SPTBN1: variants seen among roughly 807,000 people sequenced by gnomAD.
SPTBN1 encodes spectrin beta chain, non-erythrocytic 1.
Under a neutral mutation model 266.4 loss-of-function variants are expected in SPTBN1, and 32 were observed. That is an observed-to-expected ratio of 0.12 (90% CI 0.09 to 0.16). The LOEUF is 0.16. Among genes scored for constraint, SPTBN1 ranks in the 10% least tolerant of loss-of-function variants. The pLI, the probability that SPTBN1 is intolerant of heterozygous loss-of-function variation, is 1.00. For missense variants in SPTBN1, 2,296 were observed against 3,067.1 expected (o/e 0.75, Z 5.94); for synonymous variants, 1,336 against 1,162.2 (o/e 1.15, Z -3.04).
chr2:54,568,206 C>T (rs1008805858), intron 2 of SPTBN1, among the ~76,000 whole-genome samples: 7 of 152,034 alleles, frequency 4.6e-5, no homozygotes, highest in East Asian at 1.9e-4. Context: ...GATGGTGAAA[C>T]TCCGTCTCTA....
chr2:54,625,819 G>T, intron 11 of SPTBN1, 113 bp from the exon 12 acceptor site: 4 of 1,173,698 alleles, frequency 3.4e-6, no homozygotes, highest in Non-Finnish European at 4.8e-6. Context: ...TCGAACTCCT[G>T]ACCTCAAGTG....
intron 2 of SPTBN1, among the ~76,000 whole-genome samples, chr2:54,535,837 A>G (rs1671565592): frequency 6.6e-6 from 1 of 152,034 alleles, no homozygotes; most frequent in Non-Finnish European, 1.5e-5. Flanking sequence ...CATGGTAAAA[A>G]CCCATCTCTA....
chr2:54,567,735 A>G (rs1161774444), intron 2 of SPTBN1, among the ~76,000 whole-genome samples: 1 of 152,056 alleles, frequency 6.6e-6, no homozygotes, highest in Non-Finnish European at 1.5e-5. Context: ...ACCTATTTAC[A>G]TTTATATATA....
At chr2:54,591,982 A>G (rs1361740925) in intron 2 of SPTBN1, among the ~76,000 whole-genome samples, 2 of 152,054 alleles carry the variant, frequency 1.3e-5, no homozygotes, top group East Asian at 3.8e-4. Flanking sequence ...AGCCTGGGCA[A>G]TCTAATGAGA....
rs922401340 is a variant in SPTBN1, at chr2:54,645,141, C to G, written c.4270-88C>G. 1.5e-5 allele frequency: 22 copies of G among 1,449,196 alleles called. No homozygotes were observed. The highest frequency in any genetic ancestry group is 3.7e-5 in the Admixed American group (2 of 54,140). 89.8% of individuals were successfully genotyped at this position (1,449,196 alleles called of 1,614,324 possible). On this transcript the variant is annotated intron_variant, in intron 20 of 35. Coordinates refer to ENST00000356805, the MANE Select transcript of SPTBN1 (RefSeq NM_003128.3). The surrounding 1 kb of genome is among the most constrained non-coding windows in gnomAD (Gnocchi z 4.3). ...CCCATGGCTGGCTTTGCGGTGTGGC[C>G]AAGTCCCAGGCCCAGCAGTTCTGCT...
chr2:54,632,081 A>C (rs948864085), intron 16 of SPTBN1, among the ~76,000 whole-genome samples: 121 of 151,102 alleles, frequency 8.0e-4, no homozygotes, highest in Admixed American at 2.8e-3. Flanking sequence ...GTCTCTTAAA[A>C]AAAAAAAAAA....
At chr2:54,465,992 A>T (rs899399366) in intron 1 of SPTBN1, among the ~76,000 whole-genome samples, 1 of 152,192 alleles carries the variant, frequency 6.6e-6, no homozygotes, top group Non-Finnish European at 1.5e-5. Context: ...TTCAGGATTA[A>T]TTGTGCTTTG....
intron 2 of SPTBN1, among the ~76,000 whole-genome samples, chr2:54,537,562 G>A (rs78959155): frequency 0.13 from 19,261 of 152,262 alleles, 1,366 homozygotes; most frequent in Middle Eastern, 0.22. Context: ...GTGGTGGGGT[G>A]GAGGAAGGCA....
At chr2:54,468,343 TA>T (rs1166583323) in intron 1 of SPTBN1, among the ~76,000 whole-genome samples, 10 of 151,816 alleles carry the variant, frequency 6.6e-5, no homozygotes, top group African/African-American at 2.4e-4. Context: ...AATAAAAAAA[TA>T]AAAAAATATG....
intron 1 of SPTBN1, among the ~76,000 whole-genome samples, chr2:54,507,971 C>T (rs749538229): frequency 4.0e-5 from 6 of 151,760 alleles, no homozygotes; most frequent in Admixed American, 6.6e-5. Flanking sequence ...GGCATAAGAA[C>T]GGGAATGAGA....
At position 54,629,158 on chromosome 2, in the gene SPTBN1, G is replaced by A. The variant is rs1267944879; in HGVS notation, c.2024G>A (p.Arg675His). 1 of 1,613,570 alleles carries A rather than the reference G, an allele frequency of 6.2e-7. No individual in the cohort carries two copies. Among genetic ancestry groups the A allele is most frequent in the Non-Finnish European group, 8.5e-7 (1 of 1,179,908 alleles). ...DYGKDLTSVM[R>H]LLSKHRAFED... ...GGGAAAGACCTGACCAGCGTCATGC[G>A]CCTGCTCAGCAAGCACCGGGCGTTC... is the stretch of plus-strand genomic sequence containing the variant. The change falls in exon 14 of 36, where the codon CGC becomes CAC. Residue 675 changes from arginine (R) to histidine (H), a missense_variant. By Grantham distance (29) the Arg-to-His change is conservative. This residue lies in a region of SPTBN1 where 434 missense variants were observed against 573.9 expected (regional missense o/e 0.76). Coordinates refer to ENST00000356805, the MANE Select transcript of SPTBN1 (RefSeq NM_003128.3).
chr2:54,561,668 A>G (rs1212720626), intron 2 of SPTBN1, among the ~76,000 whole-genome samples: 1 of 142,432 alleles, frequency 7.0e-6, no homozygotes, highest in East Asian at 1.9e-4. Flanking sequence ...ATAGCGATTT[A>G]TAGTTTATAA....
intron 2 of SPTBN1, among the ~76,000 whole-genome samples, chr2:54,544,365 C>A (rs926511042): frequency 6.6e-6 from 1 of 152,146 alleles, no homozygotes; most frequent in Admixed American, 6.5e-5. Context: ...TCTACCTCTC[C>A]CTACAATTAC....
intron 1 of SPTBN1, among the ~76,000 whole-genome samples, chr2:54,508,851 T>C (rs888189918): frequency 1.3e-5 from 2 of 152,216 alleles, no homozygotes; most frequent in East Asian, 3.8e-4. Flanking sequence ...TCTTTGGAAG[T>C]AAAGCAGCCT....
Position 54,533,349 on chromosome 2 carries a change from AGTGTGTGTGTGTGT to A in SPTBN1, c.148+6816_148+6829del, listed in dbSNP as rs56027497. 2.4e-3 allele frequency among the ~76,000 whole-genome samples: 346 copies of A among 141,944 alleles called. 1 individual carries two copies. Among genetic ancestry groups the A allele is most frequent in the African/African-American group, 7.3e-3 (275 of 37,800 alleles). The allele number at this position is 141,944 out of a possible 152,430, so 93.1% of individuals were successfully genotyped here. ...AGTGAAACCCAGGCTAAAGGGGACT[AGTGTGTGTGTGTGT>A]GTGTGTGTGTGTGTGTGTGTGTGTG... On this transcript the variant is annotated intron_variant, in intron 2 of 35. Transcript: ENST00000356805. The surrounding 1 kb of genome is among the most constrained non-coding windows in gnomAD (Gnocchi z 4.2).
Position 54,631,380 on chromosome 2 carries a change from C to T in SPTBN1, c.3333C>T (p.Ile1111=), listed in dbSNP as rs770920772. The change falls in exon 16 of 36, where the codon ATC becomes ATT. Residue 1111 remains isoleucine (I), a synonymous_variant. Coordinates refer to ENST00000356805, the MANE Select transcript of SPTBN1 (RefSeq NM_003128.3). ...LTQHENIKNE[I]DNYEEDYQKM... is the part of the protein sequence containing the mutation. ...AGCACGAGAACATCAAGAACGAGAT[C>T]GACAACTACGAGGAGGACTACCAGA... 8.1e-6 allele frequency: 13 copies of T among 1,614,218 alleles called. No homozygotes were observed. In the South Asian group the frequency reaches 8.8e-5, roughly 11 times the overall value.
intron 2 of SPTBN1, among the ~76,000 whole-genome samples, chr2:54,577,541 A>G (rs1674575573): frequency 6.6e-6 from 1 of 152,204 alleles, no homozygotes; most frequent in South Asian, 2.1e-4. Context: ...GGTGGTACTG[A>G]TAATGGTAAT....
At chr2:54,574,472 A>G (rs1167543273) in intron 2 of SPTBN1, among the ~76,000 whole-genome samples, 1 of 152,164 alleles carries the variant, frequency 6.6e-6, no homozygotes, top group Non-Finnish European at 1.5e-5. Context: ...TTTTGAAACA[A>G]CTTCCTTAGC....
intron 5 of SPTBN1, 42 bp downstream of exon 5, chr2:54,616,340 G>C: frequency 6.4e-7 from 1 of 1,565,654 alleles, no homozygotes; most frequent in South Asian, 1.1e-5. Flanking sequence ...CTTCTTCCAG[G>C]ACTGAATTCC....
Sources: allele counts gnomAD v4.1 joint callset (sites outside exome capture counted in the v4.1 genomes callset), GRCh38; gene constraint gnomAD v4.1.1; regional missense constraint gnomAD v4.1.1; non-coding constraint Gnocchi (gnomAD v3.1); transcripts MANE v1.5; gene names NCBI Gene and HGNC (gene_info 2026-07-23, HGNC 2026-07-21).